AMPD3: variants seen among roughly 807,000 people sequenced by gnomAD.
The protein encoded by AMPD3 is AMP deaminase 3.
AMPD3 carries 57 observed loss-of-function variants against 82.3 expected under a neutral mutation model. The ratio of observed to expected loss-of-function variants is 0.69; its 90% confidence interval spans 0.56 to 0.86. AMPD3 has a LOEUF of 0.86. AMPD3 is among the 40% of genes least tolerant of loss of function. The pLI, the probability that AMPD3 is intolerant of heterozygous loss-of-function variation, is 0.00. For synonymous variants in AMPD3, 381 were observed against 394.7 expected, an observed-to-expected ratio of 0.97 and a Z score of 0.41; for missense variants, 870 against 1,003.8, an observed-to-expected ratio of 0.87 and a Z score of 1.80.
chr11:10,477,101 C>T (rs901745519), intron 2 of AMPD3: 5 of 985,348 alleles, frequency 5.1e-6, no homozygotes, highest in East Asian at 1.1e-4. Context: ...CTTGAAAACT[C>T]GGCAGTGAGG....
chr11:10,457,367 T>C (rs1479176412), intron 1 of AMPD3, among the ~76,000 whole-genome samples: 1 of 152,134 alleles, frequency 6.6e-6, no homozygotes, highest in Non-Finnish European at 1.5e-5. Flanking sequence ...AAGGGTTCTG[T>C]ATGTTAATGT....
chr11:10,485,799 G>A (rs1350468300), intron 5 of AMPD3, among the ~76,000 whole-genome samples: 2 of 151,962 alleles, frequency 1.3e-5, no homozygotes, highest in African/African-American at 4.8e-5. Context: ...GATGCTCGTG[G>A]GCTTGGCTCC....
Position 10,506,301 on chromosome 11 carries a change from C to A in AMPD3, c.*417C>A. ...TTTCAGCCTCTGGATGGCTGGCTGC[C>A]TTAAACACAATCAATTTCAAAGCTC... On this transcript the variant is annotated 3_prime_UTR_variant, in exon 15 of 15. Transcript: ENST00000396553. This position sits in a 1 kb window ranked among gnomAD's most constrained non-coding sequence, Gnocchi z 4.1. The A allele has an allele frequency of 4.5e-6, 1 of 221,364 alleles. No individual in the cohort carries two copies. The highest frequency in any genetic ancestry group is 9.2e-6 in the Non-Finnish European group (1 of 108,502). 13.7% of individuals were successfully genotyped at this position (221,364 alleles called of 1,614,324 possible).
chr11:10,470,421 C>G (rs1848555861), intron 2 of AMPD3, among the ~76,000 whole-genome samples: 1 of 152,204 alleles, frequency 6.6e-6, no homozygotes, highest in African/African-American at 2.4e-5. Context: ...AGTATGCCCT[C>G]TCTCACCACT....
chr11:10,505,584 T>C, intron 14 of AMPD3, 124 bp from the exon 15 acceptor site: 5 of 1,516,588 alleles, frequency 3.3e-6, no homozygotes, highest in Non-Finnish European at 4.4e-6. Flanking sequence ...TAAGATGTCC[T>C]GACCAAAGAT....
intron 9 of AMPD3, chr11:10,496,286 C>T: frequency 2.0e-6 from 2 of 985,396 alleles, no homozygotes; most frequent in Non-Finnish European, 2.4e-6. Context: ...CCCCCGCCTT[C>T]TTCTCATTGT....
chr11:10,502,361 G>C, intron 12 of AMPD3: 1 of 985,458 alleles, frequency 1.0e-6, no homozygotes, highest in Non-Finnish European at 1.2e-6. Flanking sequence ...ACAGCTAGAG[G>C]GGGGCATCTT....
intron 13 of AMPD3, 59 bp from the exon 14 acceptor site, chr11:10,504,490 G>A (rs1849661678): frequency 6.6e-7 from 1 of 1,525,154 alleles, no homozygotes; most frequent in Non-Finnish European, 9.1e-7. Context: ...TTGGACATGT[G>A]TGAACGATTG....
intron 2 of AMPD3, chr11:10,477,072 C>A (rs963692737): frequency 1.0e-6 from 1 of 985,294 alleles, no homozygotes; most frequent in Non-Finnish European, 1.2e-6. Flanking sequence ...TGTGTAAACA[C>A]GGGAGGAGAA....
At chr11:10,478,340 G>A (rs7934815) in intron 2 of AMPD3, 186 bp from the exon 3 acceptor site, 13,381 of 985,228 alleles carry the variant, frequency 0.014, 135 homozygotes, top group South Asian at 0.052. Flanking sequence ...CTGGAGGGCC[G>A]TGTTCTATCT....
In AMPD3 at chr11:10,456,015, G is replaced by A; in HGVS notation, c.-6+567G>A. 1.0e-6 allele frequency: 1 copy of A among 985,416 alleles called. No individual in the cohort carries two copies. The highest frequency in any genetic ancestry group is 1.2e-6 in the Non-Finnish European group (1 of 829,938). 61.0% of individuals were successfully genotyped at this position (985,416 alleles called of 1,614,324 possible). The stretch of plus-strand genomic sequence containing the variant: ...TGGCTTATCTCCTGCAGCTGGGCAG[G>A]ACGGCTGAGTTTACTGTTGTAAAGA... On this transcript the variant is annotated intron_variant, in intron 1 of 14. Transcript: ENST00000396553. The surrounding 1 kb of genome is among the most constrained non-coding windows in gnomAD (Gnocchi z 4.3).
At chr11:10,475,962 C>A (rs1489553473) in intron 2 of AMPD3, among the ~76,000 whole-genome samples, 2 of 152,178 alleles carry the variant, frequency 1.3e-5, no homozygotes, top group African/African-American at 4.8e-5. Flanking sequence ...TGGCTAACAT[C>A]TTGATTTTGG....
chr11:10,466,511 G>A (rs997547017), intron 2 of AMPD3, among the ~76,000 whole-genome samples: 3 of 152,126 alleles, frequency 2.0e-5, no homozygotes, highest in Non-Finnish European at 4.4e-5. Flanking sequence ...TCTGGGCAGG[G>A]CATCTCTGAA....
chr11:10,461,386 T>C, intron 1 of AMPD3, 129 bp from the exon 2 acceptor site: 1 of 1,598,890 alleles, frequency 6.3e-7, no homozygotes, highest in Non-Finnish European at 8.5e-7. Flanking sequence ...GGGTTTGGTC[T>C]GGGGCATTCC....
intron 3 of AMPD3, 28 bp from the exon 4 acceptor site, chr11:10,482,034 AC>A (rs1848922731): frequency 6.2e-7 from 1 of 1,613,820 alleles, no homozygotes; most frequent in Non-Finnish European, 8.5e-7. Context: ...TGCTGCATGA[AC>A]CCTTTCCTGC....
chr11:10,488,396 A>G (rs1278093213), intron 6 of AMPD3: 5 of 985,278 alleles, frequency 5.1e-6, no homozygotes, highest in Non-Finnish European at 3.6e-6. Flanking sequence ...AGGGTGTGGT[A>G]GGGGAATGGA....
rs759495289 is a variant in AMPD3 at position 10,456,369 on chromosome 11, G to A, written c.-6+921G>A. 1.8e-5 allele frequency: 29 copies of A among 1,613,720 alleles called. No homozygotes were observed. Among genetic ancestry groups the A allele is most frequent in the South Asian group, 2.2e-5 (2 of 91,064 alleles). Reference sequence around the variant, plus strand: ...CTCACCCGGGTGCATCACTTGAGTGGCATCTTCAGGACCAGTCATGGAGCC... The same window carrying A: ...CTCACCCGGGTGCATCACTTGAGTGACATCTTCAGGACCAGTCATGGAGCC... On this transcript the variant is annotated intron_variant, in intron 1 of 14. Transcript: ENST00000396553. The surrounding 1 kb of genome is among the most constrained non-coding windows in gnomAD (Gnocchi z 4.3).
intron 12 of AMPD3, 56 bp from the exon 13 acceptor site, chr11:10,502,665 T>C (rs1849611764): frequency 6.2e-7 from 1 of 1,603,956 alleles, no homozygotes; most frequent in Non-Finnish European, 8.5e-7. Flanking sequence ...CTCCCTTCCC[T>C]TTTCCCTTCT....
At chr11:10,500,908 G>T (rs1055581834) in intron 11 of AMPD3, 2 of 985,298 alleles carry the variant, frequency 2.0e-6, no homozygotes, top group Admixed American at 6.1e-5. Flanking sequence ...GGGCCCTGGG[G>T]TCTCTCTAGC....
Sources: gnomAD v4.1 joint callset for allele counts (sites outside exome capture counted in the v4.1 genomes callset) on GRCh38, gnomAD v4.1.1 for gene constraint, Gnocchi (gnomAD v3.1) non-coding constraint, MANE v1.5 for transcripts, NCBI Gene and HGNC (gene_info 2026-07-23, HGNC 2026-07-21) for gene names.